LYG2: variants seen among roughly 807,000 people sequenced by gnomAD.
The protein encoded by LYG2 is lysozyme g2, also known as lysozyme g-like protein 2.
LYG2 carries 25 observed loss-of-function variants against 22.4 expected under a neutral mutation model. The observed-to-expected ratio is 1.12, with a 90% CI of 0.81 to 1.56. LYG2 has a LOEUF of 1.56. Ranked by LOEUF, LYG2 falls within the 40% of genes most tolerant of loss-of-function variation. The pLI, the probability that LYG2 is intolerant of heterozygous loss-of-function variation, is 0.00. For synonymous variants in LYG2, 88 were observed against 97.0 expected (o/e 0.91, Z 0.55); for missense variants, 266 against 269.5 (o/e 0.99, Z 0.09).
chr2:99,243,114 A>G (rs1037480206), intron 6 of LYG2, among the ~76,000 whole-genome samples: 1 of 152,188 alleles, frequency 6.6e-6, no homozygotes, highest in African/African-American at 2.4e-5. Flanking sequence ...AGGCCGTTAG[A>G]GTGTGGAGGA....
At chr2:99,247,574 C>A (rs2094018417) in intron 3 of LYG2, among the ~76,000 whole-genome samples, 1 of 152,036 alleles carries the variant, frequency 6.6e-6, no homozygotes, top group Admixed American at 6.6e-5. Context: ...TAGTTTTCAA[C>A]CCTTGCCTCC....
Position 99,255,074 on chromosome 2 carries a change from G to A in LYG2, c.-80C>T, listed in dbSNP as rs1410641480. ...CCCTCTCTGTTTGCAAAGGTCTTCT[G>A]TACTCAGCAGCAAACTGCACTTCAA... is the stretch of plus-strand genomic sequence containing the variant. On this transcript the variant is annotated 5_prime_UTR_variant, in exon 2 of 7. Coordinates refer to ENST00000333017, the MANE Select transcript of LYG2 (RefSeq NM_175735.4). 3 of 152,250 alleles carry A rather than the reference G, an allele frequency of 2.0e-5. No homozygotes were observed. The highest frequency in any genetic ancestry group is 4.4e-5 in the Non-Finnish European group (3 of 68,048). The allele number at this position is 152,250 out of a possible 1,614,324, so 9.4% of individuals were successfully genotyped here.
chr2:99,245,270 A>G lies in LYG2; in HGVS notation c.373T>C (p.Leu125=), dbSNP rs763617720. ...GWDHRGLKFG[L]MQLDKQTYHP... Reference sequence around the variant, plus strand: ...AGTTTCTAGCTAAATACCTGCATCAAGCCAAATTTAAGTCCCCTGTGGTCC... The same window carrying G: ...AGTTTCTAGCTAAATACCTGCATCAGGCCAAATTTAAGTCCCCTGTGGTCC... The change falls in exon 5 of 7, where the codon TTG becomes CTG. Residue 125 remains leucine, a synonymous_variant. Coordinates refer to ENST00000333017, the MANE Select transcript of LYG2 (RefSeq NM_175735.4). The G allele has an allele frequency of 4.4e-6, 7 of 1,604,516 alleles. No homozygotes were observed. The South Asian group carries it at 7.8e-5, about 18-fold the overall frequency.
chr2:99,246,553 T>A (rs2094016340), intron 4 of LYG2, 127 bp downstream of exon 4: 4 of 1,145,246 alleles, frequency 3.5e-6, no homozygotes, highest in Non-Finnish European at 4.9e-6. Flanking sequence ...TGGTTTTTGC[T>A]CATTTTTAAT....
chr2:99,255,023 G>C lies in LYG2; in HGVS notation c.-29C>G, dbSNP rs1361181028. 6.6e-6 allele frequency: 1 copy of C among 152,220 alleles called. No homozygotes were observed. The highest frequency in any genetic ancestry group is 1.5e-5 in the Non-Finnish European group (1 of 68,040). 9.4% of individuals were successfully genotyped at this position (152,220 alleles called of 1,614,324 possible). ...ACATAAGAAGGCCAGCACTAACCTT[G>C]TTTGCAACCTTACAGAGAAAATCTC... On this transcript the variant is annotated 5_prime_UTR_variant, in exon 2 of 7. Coordinates refer to ENST00000333017, the MANE Select transcript of LYG2 (RefSeq NM_175735.4).
At position 99,242,267 on chromosome 2, in the gene LYG2, AT is replaced by A. The variant is rs1172072670; in HGVS notation, c.*96del. 1 of 545,558 alleles carries A rather than the reference AT, an allele frequency of 1.8e-6. No individual in the cohort carries two copies. The highest frequency in any genetic ancestry group is 3.2e-6 in the Non-Finnish European group (1 of 310,440). 33.8% of individuals were successfully genotyped at this position (545,558 alleles called of 1,614,324 possible). A position where few individuals can be genotyped will look rare whatever the true frequency, so the allele number is the denominator to read the frequency against. On this transcript the variant is annotated 3_prime_UTR_variant, in exon 7 of 7. Coordinates refer to ENST00000333017, the MANE Select transcript of LYG2 (RefSeq NM_175735.4). ...TGAATTTTCTTTCATGATTTTAATC[AT>A]TTCTTTGCCAGTGTTGTATACAACA...
At chr2:99,247,468 ACAT>A (rs2094018212) in intron 3 of LYG2, among the ~76,000 whole-genome samples, 1 of 151,118 alleles carries the variant, frequency 6.6e-6, no homozygotes, top group Non-Finnish European at 1.5e-5. Context: ...TTCAGGGGGT[ACAT>A]GTGCAGGTTT....
chr2:99,243,994 C>A lies in LYG2; in HGVS notation c.520+5G>T. ...TTTAAACAAAGTACTCAGAATACAGCCTACCTTTGAGGTGCTGAGCAACAC... is the reference window on the plus strand; with the variant it reads ...TTTAAACAAAGTACTCAGAATACAGACTACCTTTGAGGTGCTGAGCAACAC... On this transcript the variant is annotated splice_donor_5th_base_variant and intron_variant, in intron 6 of 6. Coordinates refer to ENST00000333017, the MANE Select transcript of LYG2 (RefSeq NM_175735.4). 6.2e-7 allele frequency: 1 copy of A among 1,613,946 alleles called. No individual in the cohort carries two copies. The highest frequency in any genetic ancestry group is 2.2e-5 in the East Asian group (1 of 44,868).
At chr2:99,258,246 T>C (rs569507472), upstream of LYG2, among the ~76,000 whole-genome samples, 44 of 152,282 alleles carry the variant, frequency 2.9e-4, 1 homozygote, top group South Asian at 9.1e-3. Flanking sequence ...ATCTGTAAAA[T>C]GGAGATGATA....
At chr2:99,245,161 T>C (rs1247367439) in intron 5 of LYG2, 101 bp downstream of exon 5, 6 of 1,292,578 alleles carry the variant, frequency 4.6e-6, no homozygotes, top group Non-Finnish European at 6.2e-6. Flanking sequence ...GATGCCAGGG[T>C]ATTTTGGGGC....
At chr2:99,244,856 A>T (rs2094012814) in intron 5 of LYG2, among the ~76,000 whole-genome samples, 1 of 152,116 alleles carries the variant, frequency 6.6e-6, no homozygotes, top group African/African-American at 2.4e-5. Flanking sequence ...CAAGCTTGTA[A>T]TCCCAGCACT....
At chr2:99,259,404 A>C (rs2094043193), upstream of LYG2, among the ~76,000 whole-genome samples, 1 of 152,164 alleles carries the variant, frequency 6.6e-6, no homozygotes, top group Admixed American at 6.5e-5. Context: ...TAATGGAAAA[A>C]TACACAAGTT....
chr2:99,253,921 C>CGTG (rs1246653562), intron 3 of LYG2, among the ~76,000 whole-genome samples: 1 of 152,158 alleles, frequency 6.6e-6, no homozygotes, highest in Non-Finnish European at 1.5e-5. Context: ...TTCCAAGGCA[C>CGTG]TGTTCCATAT....
At chr2:99,253,566 T>C (rs1412419342) in intron 3 of LYG2, among the ~76,000 whole-genome samples, 1 of 152,184 alleles carries the variant, frequency 6.6e-6, no homozygotes, top group Non-Finnish European at 1.5e-5. Context: ...ATTCTCTTAT[T>C]CAAGATCCCT....
At chr2:99,251,454 G>A (rs1212220454) in intron 3 of LYG2, among the ~76,000 whole-genome samples, 1 of 152,126 alleles carries the variant, frequency 6.6e-6, no homozygotes, top group Non-Finnish European at 1.5e-5. Flanking sequence ...TGACACTATT[G>A]TATGTAAATA....
In LYG2 at chr2:99,242,388, C is replaced by T. The variant is rs1188498070; in HGVS notation, c.615G>A (p.Lys205=). The T allele has an allele frequency of 1.9e-6, 3 of 1,613,178 alleles. No homozygotes were observed. In the African/African-American group the frequency reaches 4.0e-5, roughly 22 times the overall value. The change falls in exon 7 of 7, where the codon AAG becomes AAA. Residue 205 remains lysine, a synonymous_variant. Coordinates refer to ENST00000333017, the MANE Select transcript of LYG2 (RefSeq NM_175735.4). ...DFVNDIIARA[K]FYKRQSF Reference sequence around the variant, plus strand: ...CCTAGAAGCTTTGTCTTTTATAGAACTTAGCTCGAGCAATGATATCATTGA... The same window carrying T: ...CCTAGAAGCTTTGTCTTTTATAGAATTTAGCTCGAGCAATGATATCATTGA...
chr2:99,259,287 A>G (rs2094042962), upstream of LYG2, among the ~76,000 whole-genome samples: 1 of 151,902 alleles, frequency 6.6e-6, no homozygotes, highest in South Asian at 2.1e-4. Flanking sequence ...AAGAGAAAAG[A>G]AAAAAAAAGA....
At chr2:99,255,911 A>G (rs540566955), upstream of LYG2, among the ~76,000 whole-genome samples, 1 of 152,308 alleles carries the variant, frequency 6.6e-6, no homozygotes, top group East Asian at 1.9e-4. Context: ...CTTATGTCCA[A>G]AGGAAGAGAG....
upstream of LYG2, among the ~76,000 whole-genome samples, chr2:99,260,562 A>T (rs148560869): frequency 1.6e-4 from 25 of 152,286 alleles, no homozygotes; most frequent in African/African-American, 6.0e-4. Context: ...TGTTCACTAT[A>T]CCTGTGATGG....
Sources: gnomAD v4.1 joint callset for allele counts (sites outside exome capture counted in the v4.1 genomes callset) on GRCh38, gnomAD v4.1.1 for gene constraint, MANE v1.5 for transcripts, NCBI Gene and HGNC (gene_info 2026-07-23, HGNC 2026-07-21) for gene names.